Variants in PLGRKT observed in about 807,000 individuals in gnomAD.
PLGRKT encodes plasminogen receptor with a C-terminal lysine.
PLGRKT carries 22 observed loss-of-function variants against 18.5 expected under a neutral mutation model. That is an observed-to-expected ratio of 1.19 (90% CI 0.85 to 1.70). PLGRKT has a LOEUF of 1.70. Among genes scored for constraint, PLGRKT ranks in the 40% most tolerant of loss-of-function variants. The pLI is 0.00. For synonymous variants in PLGRKT, 72 were observed against 52.8 expected (o/e 1.36, Z -1.58); for missense variants, 235 against 174.4 (o/e 1.35, Z -1.96).
intron 3 of PLGRKT, among the ~76,000 whole-genome samples, chr9:5,397,125 G>A (rs182764606): frequency 1.4e-4 from 22 of 152,048 alleles, no homozygotes; most frequent in Admixed American, 1.2e-3. Context: ...TGAATGCGAA[G>A]GCTACAAAAC....
chr9:5,360,871 C>G (rs73395230), intron 5 of PLGRKT, among the ~76,000 whole-genome samples: 5,792 of 152,208 alleles, frequency 0.038, 361 homozygotes, highest in African/African-American at 0.13. Context: ...CTTACACAAT[C>G]CCTGAAAATG....
chr9:5,412,646 T>C lies in PLGRKT; in HGVS notation c.81+19251A>G, dbSNP rs551098592. On this transcript the variant is annotated intron_variant, in intron 3 of 5. Coordinates refer to ENST00000223864, the MANE Select transcript of PLGRKT (RefSeq NM_018465.4). ...TAAATCACCCAGTCTGTATATTGGATTATAGCAACAGAAAATGAACGAAGA... is the reference window on the plus strand; with the variant it reads ...TAAATCACCCAGTCTGTATATTGGACTATAGCAACAGAAAATGAACGAAGA... Among the ~76,000 whole-genome samples the C allele has an allele frequency of 8.5e-5, 13 of 152,212 alleles. No homozygotes were observed. In the South Asian group the frequency reaches 2.3e-3, roughly 27 times the overall value.
chr9:5,429,482 C>A (rs1032998766), intron 3 of PLGRKT, among the ~76,000 whole-genome samples: 3 of 152,208 alleles, frequency 2.0e-5, no homozygotes, highest in East Asian at 3.8e-4. Context: ...AAGGTGTCTG[C>A]AAGGTTTGTT....
intron 2 of PLGRKT, among the ~76,000 whole-genome samples, chr9:5,432,597 C>T (rs145341489): frequency 0.015 from 2,257 of 151,962 alleles, 55 homozygotes; most frequent in African/African-American, 0.052. Context: ...CCTCTGGCTC[C>T]GGTGATTCTC....
chr9:5,424,217 T>G (rs1168759573), intron 3 of PLGRKT, among the ~76,000 whole-genome samples: 1 of 138,212 alleles, frequency 7.2e-6, no homozygotes, highest in African/African-American at 2.6e-5. Context: ...ATGTAATATG[T>G]AATATATATG....
chr9:5,371,328 A>C (rs1443678069), intron 3 of PLGRKT, among the ~76,000 whole-genome samples: 1 of 152,172 alleles, frequency 6.6e-6, no homozygotes, highest in East Asian at 1.9e-4. Flanking sequence ...CTGTGTCCCC[A>C]CCCAAACCTC....
At chr9:5,371,226 T>C (rs1327257418) in intron 3 of PLGRKT, among the ~76,000 whole-genome samples, 1 of 152,182 alleles carries the variant, frequency 6.6e-6, no homozygotes. Context: ...TTAGACTTTT[T>C]CTAAAAAGAT....
intron 3 of PLGRKT, among the ~76,000 whole-genome samples, chr9:5,405,710 T>A (rs116932836): frequency 7.0e-4 from 106 of 152,354 alleles, no homozygotes; most frequent in Non-Finnish European, 1.2e-3. Context: ...AAAGATTTTA[T>A]GATGAAATTG....
At chr9:5,361,027 G>T in intron 5 of PLGRKT, 51 bp downstream of exon 5, 1 of 982,942 alleles carries the variant, frequency 1.0e-6, no homozygotes, top group Non-Finnish European at 1.6e-6. Context: ...AGGGATCCTT[G>T]AAATGGAAAA....
At chr9:5,413,183 C>T (rs185719330) in intron 3 of PLGRKT, among the ~76,000 whole-genome samples, 34 of 152,262 alleles carry the variant, frequency 2.2e-4, no homozygotes, top group African/African-American at 7.7e-4. Flanking sequence ...TTGCCTTTAA[C>T]TCAGCAATCT....
At chr9:5,364,466 T>G (rs1040778025) in intron 3 of PLGRKT, among the ~76,000 whole-genome samples, 3 of 152,146 alleles carry the variant, frequency 2.0e-5, no homozygotes, top group Non-Finnish European at 4.4e-5. Flanking sequence ...CTCATAAAAC[T>G]TTACAGCACA....
intron 3 of PLGRKT, among the ~76,000 whole-genome samples, chr9:5,412,932 CAG>C (rs1457730319): frequency 6.6e-6 from 1 of 151,110 alleles, no homozygotes; most frequent in Non-Finnish European, 1.5e-5. Context: ...GACCAATAAA[CAG>C]AAAATTCACA....
chr9:5,424,961 C>A (rs1034404458), intron 3 of PLGRKT, among the ~76,000 whole-genome samples: 1 of 152,104 alleles, frequency 6.6e-6, no homozygotes, highest in African/African-American at 2.4e-5. Context: ...AGCTATGCCT[C>A]ATTTTCTTAA....
At chr9:5,426,941 T>C (rs373167893) in intron 3 of PLGRKT, among the ~76,000 whole-genome samples, 1 of 152,188 alleles carries the variant, frequency 6.6e-6, no homozygotes, top group Non-Finnish European at 1.5e-5. Flanking sequence ...GCGTGCCGCT[T>C]TCTGTGCTAC....
intron 3 of PLGRKT, among the ~76,000 whole-genome samples, chr9:5,428,192 T>C (rs1818739925): frequency 6.6e-6 from 1 of 152,206 alleles, no homozygotes; most frequent in South Asian, 2.1e-4. Flanking sequence ...AACTTGTCTG[T>C]TGAGCCCAGT....
At chr9:5,408,829 G>A (rs1009735847) in intron 3 of PLGRKT, among the ~76,000 whole-genome samples, 1 of 152,240 alleles carries the variant, frequency 6.6e-6, no homozygotes, top group African/African-American at 2.4e-5. Context: ...ACAGCCTTGG[G>A]ACACTGTTCC....
chr9:5,424,752 T>C (rs984008603), intron 3 of PLGRKT, among the ~76,000 whole-genome samples: 1 of 144,618 alleles, frequency 6.9e-6, no homozygotes, highest in African/African-American at 2.6e-5. Context: ...GACAGAGTTT[T>C]GTCACGTTGC....
chr9:5,358,889 G>A (rs537594581), intron 5 of PLGRKT, among the ~76,000 whole-genome samples: 25 of 152,166 alleles, frequency 1.6e-4, no homozygotes, highest in African/African-American at 6.0e-4. Flanking sequence ...CTTTCAAAGA[G>A]CTACACAACG....
chr9:5,365,558 G>A (rs548763827), intron 3 of PLGRKT, among the ~76,000 whole-genome samples: 7 of 152,272 alleles, frequency 4.6e-5, no homozygotes, highest in African/African-American at 9.6e-5. Flanking sequence ...AAAGGGCAGC[G>A]TGAGGGATGA....
Sources: gnomAD v4.1 joint callset for allele counts (sites outside exome capture counted in the v4.1 genomes callset) on GRCh38, gnomAD v4.1.1 for gene constraint, MANE v1.5 for transcripts, NCBI Gene and HGNC (gene_info 2026-07-23, HGNC 2026-07-21) for gene names.